The following CAST variants were observed in gnomAD, a reference collection of about 807,000 sequenced individuals.
CAST encodes the protein calpastatin.
CAST carries 76 observed loss-of-function variants against 119.6 expected under a neutral mutation model. The ratio of observed to expected loss-of-function variants is 0.64; its 90% CI spans 0.53 to 0.77. The LOEUF (loss-of-function observed/expected upper bound fraction) is 0.77, where lower values mean the gene tolerates loss of function less well. CAST is among the 30% of genes least tolerant of loss of function. The pLI, the probability that CAST is intolerant of heterozygous loss-of-function variation, is 0.00. For synonymous variants in CAST, 319 were observed against 331.6 expected (o/e 0.96, Z 0.41); for missense variants, 953 against 946.5 (o/e 1.01, Z -0.09).
At chr5:96,351,588 G>A in the CAST span, among the ~76,000 whole-genome samples, 9 of 152,118 alleles carry the variant, frequency 5.9e-5, no homozygotes, top group Admixed American at 3.9e-4. Context: ...GTATAATTAA[G>A]CTATCTCAGT....
chr5:96,124,656 T>C, the CAST span, among the ~76,000 whole-genome samples: 29 of 152,306 alleles, frequency 1.9e-4, no homozygotes, highest in African/African-American at 6.7e-4. Context: ...GTGCCTGTTA[T>C]AGTCATAGGA....
the CAST span, among the ~76,000 whole-genome samples, chr5:96,028,551 T>C: frequency 6.6e-6 from 1 of 151,912 alleles, no homozygotes; most frequent in Non-Finnish European, 1.5e-5. Flanking sequence ...TGACCCCAAA[T>C]TTAAGATGGA....
the CAST span, chr5:96,423,443 G>T: frequency 6.8e-6 from 11 of 1,613,942 alleles, 1 homozygote; most frequent in South Asian, 1.2e-4. Flanking sequence ...CAGGGCTGCC[G>T]TCATCCTGGT....
chr5:96,525,580 CTT>C (rs1402280829), upstream of CAST, among the ~76,000 whole-genome samples: 3 of 152,150 alleles, frequency 2.0e-5, no homozygotes, highest in African/African-American at 4.8e-5. Flanking sequence ...TGATTATTTT[CTT>C]TCTCTCTCTA....
At chr5:96,714,624 G>A (rs980787522) in intron 3 of CAST, 6 of 152,154 alleles carry the variant, frequency 3.9e-5, no homozygotes, top group African/African-American at 1.4e-4. Flanking sequence ...TGACTTCCCT[G>A]TTTTGCTTTA....
the CAST span, among the ~76,000 whole-genome samples, chr5:96,133,899 C>G: frequency 1.3e-5 from 2 of 152,146 alleles, no homozygotes; most frequent in African/African-American, 4.8e-5. Flanking sequence ...TTGGAGAGGC[C>G]CCTGTGGGCT....
At chr5:96,730,961 A>G in intron 9 of CAST, 101 bp downstream of exon 9, 1 of 841,792 alleles carries the variant, frequency 1.2e-6, no homozygotes, top group East Asian at 2.4e-5. Context: ...GCAAAACTGA[A>G]CACTGCTTAT....
chr5:96,432,121 T>C, the CAST span: 30 of 1,535,716 alleles, frequency 2.0e-5, no homozygotes, highest in African/African-American at 3.7e-4. Flanking sequence ...CCCTTCCCCA[T>C]AGTCAGTTCG....
chr5:96,426,951 A>C, the CAST span, among the ~76,000 whole-genome samples: 1 of 152,196 alleles, frequency 6.6e-6, no homozygotes, highest in Non-Finnish European at 1.5e-5. Flanking sequence ...ACTATGATTT[A>C]TTTTTAAAGT....
intron 1 of CAST, among the ~76,000 whole-genome samples, chr5:96,638,772 G>A (rs1359674913): frequency 6.6e-6 from 1 of 152,170 alleles, no homozygotes; most frequent in Non-Finnish European, 1.5e-5. Flanking sequence ...TTAAGTTCAT[G>A]GGCCTCAAAA....
At chr5:96,324,292 C>T in the CAST span, among the ~76,000 whole-genome samples, 2 of 152,204 alleles carry the variant, frequency 1.3e-5, no homozygotes, top group Non-Finnish European at 2.9e-5. Flanking sequence ...CTAAGTCTGA[C>T]TCACTGAGGA....
chr5:96,137,062 T>C, the CAST span, among the ~76,000 whole-genome samples: 1 of 152,190 alleles, frequency 6.6e-6, no homozygotes, highest in Non-Finnish European at 1.5e-5. Flanking sequence ...TATTTTTAAA[T>C]TTTCATACCT....
At chr5:96,310,665 G>A in the CAST span, among the ~76,000 whole-genome samples, 1 of 151,038 alleles carries the variant, frequency 6.6e-6, no homozygotes, top group South Asian at 2.1e-4. Context: ...GTGTTTGGAG[G>A]TTGTATGTGT....
At chr5:96,232,566 A>G in the CAST span, among the ~76,000 whole-genome samples, 1 of 152,120 alleles carries the variant, frequency 6.6e-6, no homozygotes, top group Non-Finnish European at 1.5e-5. Context: ...TACAAAATTA[A>G]CAATCAAAAT....
chr5:96,075,598 C>T, the CAST span, among the ~76,000 whole-genome samples: 68 of 152,254 alleles, frequency 4.5e-4, no homozygotes, highest in East Asian at 0.012. Context: ...AAGCAATTCT[C>T]ATTCATCCCA....
intron 3 of CAST, among the ~76,000 whole-genome samples, chr5:96,719,235 TC>T (rs1757767290): frequency 6.6e-6 from 1 of 152,110 alleles, no homozygotes; most frequent in Non-Finnish European, 1.5e-5. Context: ...CCCTCCCTAC[TC>T]CCATCCAGTC....
chr5:96,622,742 T>C (rs1198731935), intron 1 of CAST, among the ~76,000 whole-genome samples: 1 of 152,116 alleles, frequency 6.6e-6, no homozygotes, highest in African/African-American at 2.4e-5. Context: ...TCTTTTTACA[T>C]ATAAGAGAGT....
At chr5:96,657,042 G>A (rs979924419) in intron 1 of CAST, among the ~76,000 whole-genome samples, 2 of 151,730 alleles carry the variant, frequency 1.3e-5, no homozygotes, top group African/African-American at 2.4e-5. Context: ...TGCAGGGAAA[G>A]AAACAAAAAT....
the CAST span, among the ~76,000 whole-genome samples, chr5:96,067,905 G>A: frequency 6.6e-6 from 1 of 151,916 alleles, no homozygotes; most frequent in Non-Finnish European, 1.5e-5. Flanking sequence ...CACAGTTCCT[G>A]TATTTGCACA....
Sources: gnomAD v4.1 joint callset for allele counts (sites outside exome capture counted in the v4.1 genomes callset) on GRCh38, gnomAD v4.1.1 for gene constraint, MANE v1.5 for transcripts, NCBI Gene and HGNC (gene_info 2026-07-23, HGNC 2026-07-21) for gene names.